The following BCKDHB variants were observed in gnomAD, a reference collection of about 807,000 sequenced individuals.
BCKDHB encodes the protein branched chain keto acid dehydrogenase E1 subunit beta.
In BCKDHB, 41 loss-of-function variants were observed where a neutral mutation model predicts 48.5. The ratio of observed to expected loss-of-function variants is 0.85; its 90% CI spans 0.66 to 1.10. The LOEUF (loss-of-function observed/expected upper bound fraction) is 1.10. BCKDHB is among the 50% of genes least tolerant of loss of function. The pLI is 0.00. For synonymous variants in BCKDHB, 201 were observed against 174.8 expected (o/e 1.15, Z -1.18); for missense variants, 496 against 494.2 (o/e 1.00, Z -0.03).
At chr6:80,405,558 T>C in the BCKDHB span, among the ~76,000 whole-genome samples, 2 of 152,200 alleles carry the variant, frequency 1.3e-5, no homozygotes, top group African/African-American at 4.8e-5. Context: ...GGCCTTACTA[T>C]TGCCATTTTG....
rs937176914 is a variant in BCKDHB, at chr6:80,182,232, G to A, written c.742+10842G>A. 2.0e-5 allele frequency among the ~76,000 whole-genome samples: 3 copies of A among 152,280 alleles called. No homozygotes were observed. The East Asian group carries it at 5.8e-4, about 29-fold the overall frequency. Reference sequence around the variant, plus strand: ...GAAGGCCCTGACTTAGTATTGAGTAGCAGGAAGAATCAAAAGGTGTTCAGT... The same window carrying A: ...GAAGGCCCTGACTTAGTATTGAGTAACAGGAAGAATCAAAAGGTGTTCAGT... On this transcript the variant is annotated intron_variant, in intron 6 of 9. Transcript: ENST00000320393.
the BCKDHB span, among the ~76,000 whole-genome samples, chr6:80,436,200 CTGGAG>C: frequency 8.6e-6 from 1 of 116,716 alleles, no homozygotes; most frequent in Admixed American, 1.3e-4. Context: ...GCTGCCCAGG[CTGGAG>C]TGGAGTGCAG....
At position 80,344,053 on chromosome 6, in the gene BCKDHB, T is replaced by G. The variant is rs1582601420; in HGVS notation, c.*249T>G. The G allele has an allele frequency of 2.1e-6, 1 of 485,730 alleles. No homozygotes were observed. The highest frequency in any genetic ancestry group is 4.2e-5 in the East Asian group (1 of 23,616). The allele number at this position is 485,730 out of a possible 1,614,324, so 30.1% of individuals were successfully genotyped here. A position where few individuals can be genotyped will look rare whatever the true frequency, so the allele number is the denominator to read the frequency against. ...TCTCACTCTGTCGCCCAGGCTAGACTGCAGTGGTGCAATCTCAGCTCACTG... is the reference window on the plus strand; with the variant it reads ...TCTCACTCTGTCGCCCAGGCTAGACGGCAGTGGTGCAATCTCAGCTCACTG... On this transcript the variant is annotated 3_prime_UTR_variant, in exon 10 of 10. Coordinates refer to ENST00000320393, the MANE Select transcript of BCKDHB (RefSeq NM_183050.4).
chr6:80,438,919 G>C, the BCKDHB span, among the ~76,000 whole-genome samples: 1 of 152,244 alleles, frequency 6.6e-6, no homozygotes, highest in East Asian at 1.9e-4. Flanking sequence ...GGACAGATCA[G>C]CTATATGCAG....
At chr6:80,290,708 G>C (rs1308732422) in intron 9 of BCKDHB, among the ~76,000 whole-genome samples, 1 of 152,182 alleles carries the variant, frequency 6.6e-6, no homozygotes, top group Non-Finnish European at 1.5e-5. Flanking sequence ...AAGAATTCAA[G>C]ATGAGTCCAT....
chr6:80,205,232 G>C (rs569020577), intron 8 of BCKDHB, among the ~76,000 whole-genome samples: 13 of 151,392 alleles, frequency 8.6e-5, no homozygotes, highest in African/African-American at 3.2e-4. Flanking sequence ...GGAAAATGAG[G>C]GTTTTTTTTC....
At chr6:80,289,811 C>G (rs1422023001) in intron 9 of BCKDHB, among the ~76,000 whole-genome samples, 1 of 152,152 alleles carries the variant, frequency 6.6e-6, no homozygotes, top group Non-Finnish European at 1.5e-5. Context: ...TTTTCGTGCA[C>G]TGGGGAGCTC....
intron 9 of BCKDHB, among the ~76,000 whole-genome samples, chr6:80,291,381 C>A (rs1282603297): frequency 6.6e-6 from 1 of 152,156 alleles, no homozygotes; most frequent in Admixed American, 6.5e-5. Context: ...ATTTATAATT[C>A]TTGAGTTCTG....
intron 8 of BCKDHB, chr6:80,251,804 T>C (rs1022078646): frequency 1.3e-5 from 2 of 152,204 alleles, no homozygotes; most frequent in Non-Finnish European, 2.9e-5. Context: ...ATTTAAGTTA[T>C]TAAGAATCAA....
the BCKDHB span, among the ~76,000 whole-genome samples, chr6:80,463,385 A>C: frequency 3.3e-5 from 5 of 152,234 alleles, no homozygotes; most frequent in Non-Finnish European, 7.3e-5. Context: ...GGCAATGAAA[A>C]GTATGTTTGA....
chr6:80,443,865 GT>G, the BCKDHB span, among the ~76,000 whole-genome samples: 8 of 151,978 alleles, frequency 5.3e-5, no homozygotes, highest in African/African-American at 1.9e-4. Flanking sequence ...ACAGATAGTT[GT>G]ATAAGATCCC....
At chr6:80,314,946 C>T (rs1768360954) in intron 9 of BCKDHB, among the ~76,000 whole-genome samples, 1 of 152,194 alleles carries the variant, frequency 6.6e-6, no homozygotes. Context: ...TCTGCAAAGC[C>T]CACGGGCTGG....
chr6:80,264,900 G>T (rs939303299), intron 8 of BCKDHB, among the ~76,000 whole-genome samples: 3 of 151,932 alleles, frequency 2.0e-5, no homozygotes, highest in Non-Finnish European at 4.4e-5. Flanking sequence ...ATGGAGAAAG[G>T]ACTCAAATAG....
intron 3 of BCKDHB, among the ~76,000 whole-genome samples, chr6:80,140,773 G>A (rs187063213): frequency 1.3e-5 from 2 of 152,090 alleles, no homozygotes; most frequent in Admixed American, 1.3e-4. Flanking sequence ...CTCTTTTTTG[G>A]TTGTGTCTCT....
At chr6:80,314,850 C>T (rs538040643) in intron 9 of BCKDHB, among the ~76,000 whole-genome samples, 2 of 152,286 alleles carry the variant, frequency 1.3e-5, no homozygotes, top group African/African-American at 4.8e-5. Context: ...AGATCGGGGT[C>T]CTGCTTGAGG....
chr6:80,128,025 T>G (rs936195839), intron 2 of BCKDHB, among the ~76,000 whole-genome samples: 1 of 152,028 alleles, frequency 6.6e-6, no homozygotes, highest in South Asian at 2.1e-4. Flanking sequence ...GTTTTGGAAA[T>G]AATTGTAATA....
At chr6:80,432,999 A>T in the BCKDHB span, among the ~76,000 whole-genome samples, 1 of 152,168 alleles carries the variant, frequency 6.6e-6, no homozygotes, top group Admixed American at 6.5e-5. Context: ...AGGCTGCAGA[A>T]CAGCAAAGAT....
At chr6:80,106,622 T>A, upstream of BCKDHB, 1 of 1,505,402 alleles carries the variant, frequency 6.6e-7, no homozygotes, top group Non-Finnish European at 8.9e-7. Context: ...TGTGGAAGCC[T>A]CCTCGGGTGC....
chr6:80,414,588 C>T, the BCKDHB span, among the ~76,000 whole-genome samples: 1 of 152,104 alleles, frequency 6.6e-6, no homozygotes, highest in Non-Finnish European at 1.5e-5. Context: ...AGCCATACTT[C>T]TGGGTTCTCT....
Sources: gnomAD v4.1 joint callset for allele counts (sites outside exome capture counted in the v4.1 genomes callset) on GRCh38, gnomAD v4.1.1 for gene constraint, MANE v1.5 for transcripts, NCBI Gene and HGNC (gene_info 2026-07-23, HGNC 2026-07-21) for gene names.